Variants in PES1 observed in about 807,000 individuals in gnomAD.
The protein encoded by PES1 is pescadillo homolog.
In PES1, 31 loss-of-function variants were observed where a neutral mutation model predicts 77.1. That is an observed-to-expected ratio of 0.40 (90% confidence interval 0.30 to 0.54). The LOEUF is 0.54. PES1 is among the 20% of genes least tolerant of loss of function. PES1 has a pLI of 0.45. For missense variants in PES1, 658 were observed against 771.7 expected, an observed-to-expected ratio of 0.85 and a Z score of 1.75; for synonymous variants, 282 against 303.0, an observed-to-expected ratio of 0.93 and a Z score of 0.72.
chr22:30,603,296 G>A (rs988497558), intron 2 of PES1, among the ~76,000 whole-genome samples: 2 of 152,168 alleles, frequency 1.3e-5, no homozygotes, highest in African/African-American at 4.8e-5. Flanking sequence ...GGGAACCAAT[G>A]CTCTAGTTGA....
chr22:30,580,499 G>A, intron 10 of PES1, 72 bp downstream of exon 10: 2 of 1,567,652 alleles, frequency 1.3e-6, no homozygotes, highest in East Asian at 2.3e-5. Context: ...TGTTACCGAT[G>A]GGCACCAGGG....
At chr22:30,598,912 T>TTTTTTTTTTTTTTA (rs761643665) in intron 2 of PES1, among the ~76,000 whole-genome samples, 20 of 116,426 alleles carry the variant, frequency 1.7e-4, no homozygotes, top group African/African-American at 4.4e-4. Flanking sequence ...TTTTTTTTTT[T>TTTTTTTTTTTTTTA]TTGAGATGGA....
At chr22:30,578,526 C>T (rs974760735) in intron 14 of PES1, among the ~76,000 whole-genome samples, 4 of 152,266 alleles carry the variant, frequency 2.6e-5, no homozygotes, top group Non-Finnish European at 2.9e-5. Flanking sequence ...AGCTCCCCCC[C>T]GCCACCCCCG....
At chr22:30,604,872 G>C (rs2087413359) in intron 2 of PES1, among the ~76,000 whole-genome samples, 1 of 152,036 alleles carries the variant, frequency 6.6e-6, no homozygotes, top group Admixed American at 6.6e-5. Context: ...GAGCCCAGGA[G>C]TTCAAAAATA....
At position 30,581,110 on chromosome 22, in the gene PES1, G is replaced by T. The variant is rs944723115; in HGVS notation, c.823-9C>A. On this transcript the variant is annotated splice_polypyrimidine_tract_variant and intron_variant, in intron 8 of 14. Transcript: ENST00000354694. ...CTGAGGGCTGCCAGTTTCTACAGGA[G>T]AGAAGGGGGCTGCTTGCAGTGGGGG... is the stretch of plus-strand genomic sequence containing the variant. The T allele has an allele frequency of 8.1e-6, 13 of 1,600,472 alleles. No individual in the cohort carries two copies. The highest frequency in any genetic ancestry group is 1.1e-5 in the Non-Finnish European group (13 of 1,173,222).
At chr22:30,594,390 C>T (rs970612754), upstream of PES1, among the ~76,000 whole-genome samples, 1 of 151,890 alleles carries the variant, frequency 6.6e-6, no homozygotes, top group Non-Finnish European at 1.5e-5. Context: ...CGTGGTGATG[C>T]ACACCTGTAA....
chr22:30,604,159 G>C (rs1014258894), intron 2 of PES1: 1 of 152,198 alleles, frequency 6.6e-6, no homozygotes, highest in Admixed American at 6.5e-5. Context: ...ATCTGAGACT[G>C]CTTGTCTGTG....
chr22:30,591,779 C>T (rs759971045), intron 1 of PES1, 31 bp downstream of exon 1: 32 of 1,554,812 alleles, frequency 2.1e-5, no homozygotes, highest in South Asian at 3.6e-5. Flanking sequence ...CACCCCACCC[C>T]TCGGGAATCC....
At chr22:30,584,762 T>A (rs376362486) in intron 4 of PES1, 45 bp from the exon 5 acceptor site, 444 of 1,597,594 alleles carry the variant, frequency 2.8e-4, no homozygotes, top group Admixed American at 3.7e-4. Flanking sequence ...TCAGCGTGGG[T>A]GCCAAGGGGG....
Position 30,588,310 on chromosome 22 carries a change from T to G in PES1, c.105-136A>C, listed in dbSNP as rs893560151. 3.3e-5 allele frequency: 31 copies of G among 928,654 alleles called. 4 individuals carry two copies. The Admixed American group carries it at 5.1e-4, about 15-fold the overall frequency. The allele number at this position is 928,654 out of a possible 1,614,324, so 57.5% of individuals were successfully genotyped here. On this transcript the variant is annotated intron_variant, in intron 2 of 14. Transcript: ENST00000354694. ...CTTAGAGACCTCACATCCTAGTACA[T>G]GAGTCTGACAGTCACAATCATAAAA...
At chr22:30,588,000 A>T (rs2087117385) in intron 3 of PES1, 21 bp downstream of exon 3, 1 of 1,612,106 alleles carries the variant, frequency 6.2e-7, no homozygotes, top group Non-Finnish European at 8.5e-7. Context: ...AACCTGACAG[A>T]CCCTAGAGCC....
In PES1 at chr22:30,580,551, G is replaced by A. The variant is rs751989195; in HGVS notation, c.1043+20C>T. ...GCATGGCCGAACCAATGCTGTCAGC[G>A]GGCCCTTGAGCCTCCCTACCTGATG... On this transcript the variant is annotated intron_variant, in intron 10 of 14. Coordinates refer to ENST00000354694, the MANE Select transcript of PES1 (RefSeq NM_014303.4). 8.4e-5 allele frequency: 136 copies of A among 1,613,254 alleles called. No homozygotes were observed. The highest frequency in any genetic ancestry group is 1.0e-4 in the Non-Finnish European group (123 of 1,179,772).
At chr22:30,594,734 TGA>T (rs1306501234), upstream of PES1, among the ~76,000 whole-genome samples, 2 of 151,152 alleles carry the variant, frequency 1.3e-5, no homozygotes, top group Admixed American at 6.6e-5. Flanking sequence ...ACTCAGAAGC[TGA>T]GTGGGGAGGA....
chr22:30,578,856 T>C lies in PES1; in HGVS notation c.1664A>G (p.Lys555Arg). The C allele has an allele frequency of 6.2e-7, 1 of 1,612,424 alleles. No homozygotes were observed. Among genetic ancestry groups the C allele is most frequent in the Non-Finnish European group, 8.5e-7 (1 of 1,180,006 alleles). Residue 555 changes from lysine to arginine, a missense_variant, in exon 14 of 15, where the codon AAG becomes AGG. Coordinates refer to ENST00000354694, the MANE Select transcript of PES1 (RefSeq NM_014303.4). ...ACTCACCTCTCGGATTTTTCGCCTC[T>C]TGCCAAACATGATCTTCTGGTACAG... ...KYLYQKIMFGKRRKIREANKL... is the reference protein window; with the variant it reads ...KYLYQKIMFGRRRKIREANKL...
chr22:30,591,928 C>A, upstream of PES1: 1 of 1,470,974 alleles, frequency 6.8e-7, no homozygotes, highest in South Asian at 1.3e-5. Flanking sequence ...ACCCTCCCCA[C>A]CCCACGCTGT....
At chr22:30,578,814 T>C (rs761993946) in intron 14 of PES1, 23 bp downstream of exon 14, 1 of 1,611,536 alleles carries the variant, frequency 6.2e-7, no homozygotes. Context: ...CACCTGGATC[T>C]CAAGTGGGTG....
intron 6 of PES1, among the ~76,000 whole-genome samples, chr22:30,582,566 T>C (rs887136903): frequency 1.3e-5 from 2 of 152,088 alleles, no homozygotes; most frequent in East Asian, 1.9e-4. Context: ...CCTAAAACCA[T>C]GGAGGCCGAG....
At chr22:30,596,582 T>C (rs1010220015), upstream of PES1, among the ~76,000 whole-genome samples, 1 of 152,184 alleles carries the variant, frequency 6.6e-6, no homozygotes, top group Non-Finnish European at 1.5e-5. Context: ...AGATTACCTA[T>C]TAGGATAAAT....
intron 14 of PES1, among the ~76,000 whole-genome samples, 193 bp from the exon 15 acceptor site, chr22:30,577,322 T>C (rs1486565596): frequency 6.6e-6 from 1 of 152,170 alleles, no homozygotes; most frequent in Non-Finnish European, 1.5e-5. Context: ...CATTATTTCA[T>C]GGGCCCACAA....
Sources: gnomAD v4.1 joint callset for allele counts (sites outside exome capture counted in the v4.1 genomes callset) on GRCh38, gnomAD v4.1.1 for gene constraint, MANE v1.5 for transcripts, NCBI Gene and HGNC (gene_info 2026-07-23, HGNC 2026-07-21) for gene names.